The following TASP1 variants were observed in gnomAD, a reference collection of about 807,000 sequenced individuals.
TASP1 encodes taspase 1.
Under a neutral mutation model 56.6 loss-of-function variants are expected in TASP1, and 16 were observed. The ratio of observed to expected loss-of-function variants is 0.28; its 90% confidence interval spans 0.19 to 0.43. The LOEUF (loss-of-function observed/expected upper bound fraction) is 0.43. Among genes scored for constraint, TASP1 ranks in the 20% least tolerant of loss-of-function variants. The pLI is 1.00. For synonymous variants in TASP1, 179 were observed against 184.2 expected, an observed-to-expected ratio of 0.97 and a Z score of 0.23; for missense variants, 393 against 511.6, an observed-to-expected ratio of 0.77 and a Z score of 2.24.
At chr20:13,303,272 G>A in the TASP1 span, among the ~76,000 whole-genome samples, 1 of 152,170 alleles carries the variant, frequency 6.6e-6, no homozygotes, top group Admixed American at 6.5e-5. Context: ...GCTTTTCTGT[G>A]ACTCACTGCC....
At chr20:13,293,306 A>T in the TASP1 span, among the ~76,000 whole-genome samples, 1 of 152,228 alleles carries the variant, frequency 6.6e-6, no homozygotes, top group Admixed American at 6.5e-5. Flanking sequence ...TGTAAACCAA[A>T]CAAAATGGAA....
intron 12 of TASP1, among the ~76,000 whole-genome samples, chr20:13,433,462 C>A (rs546179801): frequency 6.9e-6 from 1 of 144,632 alleles, no homozygotes; most frequent in African/African-American, 2.6e-5. Flanking sequence ...TGTTAAAAAG[C>A]ACATCTCCTT....
At chr20:13,342,815 C>T in the TASP1 span, among the ~76,000 whole-genome samples, 3 of 152,166 alleles carry the variant, frequency 2.0e-5, no homozygotes, top group Admixed American at 1.3e-4. Flanking sequence ...CACACACACC[C>T]GACAGGGTGC....
At chr20:13,496,719 C>T (rs139566566) in intron 10 of TASP1, among the ~76,000 whole-genome samples, 4 of 152,278 alleles carry the variant, frequency 2.6e-5, no homozygotes, top group African/African-American at 9.6e-5. Context: ...TCTAATATGT[C>T]TCACAAGCCT....
At chr20:13,629,863 T>C in intron 2 of TASP1, 71 bp downstream of exon 2, 1 of 1,595,812 alleles carries the variant, frequency 6.3e-7, no homozygotes, top group Non-Finnish European at 8.5e-7. Context: ...AATGTGATTC[T>C]CAGTGTACTT....
At chr20:13,556,221 C>A (rs936560643) in intron 8 of TASP1, among the ~76,000 whole-genome samples, 9 of 152,150 alleles carry the variant, frequency 5.9e-5, no homozygotes, top group African/African-American at 2.2e-4. Context: ...CTCTTTCTTG[C>A]CAATAACTAT....
At chr20:13,257,711 T>TAA in the TASP1 span, among the ~76,000 whole-genome samples, 1,427 of 141,646 alleles carry the variant, frequency 0.01, 15 homozygotes, top group Middle Eastern at 0.018. Flanking sequence ...GTATTTTCCT[T>TAA]AAAAAAAAAA....
At chr20:13,358,198 T>C in the TASP1 span, among the ~76,000 whole-genome samples, 2 of 152,176 alleles carry the variant, frequency 1.3e-5, no homozygotes, top group African/African-American at 4.8e-5. Context: ...CCAAATCCTA[T>C]AAAACGGCCC....
chr20:13,441,611 AAGAG>A (rs1191619084), intron 11 of TASP1, among the ~76,000 whole-genome samples: 1 of 152,198 alleles, frequency 6.6e-6, no homozygotes, highest in Non-Finnish European at 1.5e-5. Context: ...ACATGCTTTC[AAGAG>A]AGAGGCAGGG....
At chr20:13,450,076 C>T (rs964113675) in intron 11 of TASP1, among the ~76,000 whole-genome samples, 1 of 151,940 alleles carries the variant, frequency 6.6e-6, no homozygotes, top group African/African-American at 2.4e-5. Context: ...TTTTGGTTTC[C>T]CAGTGCATAT....
the TASP1 span, chr20:13,299,645 G>A: frequency 5.2e-6 from 3 of 576,450 alleles, no homozygotes; most frequent in East Asian, 2.9e-5. The surrounding 1 kb of genome is among the most constrained non-coding windows in gnomAD (Gnocchi z 5.8). Context: ...TTGTGAAGCC[G>A]CCCTCGCCAT....
chr20:13,326,981 GAAAT>G, the TASP1 span, among the ~76,000 whole-genome samples: 2 of 152,184 alleles, frequency 1.3e-5, no homozygotes, highest in East Asian at 3.8e-4. Flanking sequence ...GGAAGAGAAA[GAAAT>G]AAAGCATATG....
chr20:13,167,676 G>A, the TASP1 span: 2 of 152,276 alleles, frequency 1.3e-5, no homozygotes, highest in African/African-American at 2.4e-5. Context: ...TGTCATGGAC[G>A]TTTAACCATA....
chr20:13,556,007 GT>G, intron 8 of TASP1, among the ~76,000 whole-genome samples: 1 of 152,168 alleles, frequency 6.6e-6, no homozygotes, highest in East Asian at 1.9e-4. Context: ...CAAGTAATAG[GT>G]TTTATGGTGA....
At chr20:13,425,519 T>G (rs6134870) in intron 12 of TASP1, among the ~76,000 whole-genome samples, 79,090 of 151,896 alleles carry the variant, frequency 0.52, 22,662 homozygotes, top group Non-Finnish European at 0.65. Flanking sequence ...CACACCCACT[T>G]AAAACCTCTC....
At chr20:13,366,013 A>G in the TASP1 span, among the ~76,000 whole-genome samples, 1 of 152,204 alleles carries the variant, frequency 6.6e-6, no homozygotes, top group Admixed American at 6.5e-5. Context: ...CAAAGACAAC[A>G]TTTAGATTTT....
intron 4 of TASP1, chr20:13,600,426 A>C (rs1347207687): frequency 6.6e-6 from 1 of 152,220 alleles, no homozygotes; most frequent in African/African-American, 2.4e-5. Context: ...TCAGAAATAG[A>C]CACACAGAGA....
chr20:13,469,122 T>C (rs979869266), intron 11 of TASP1, among the ~76,000 whole-genome samples: 2 of 152,160 alleles, frequency 1.3e-5, no homozygotes, highest in African/African-American at 2.4e-5. Flanking sequence ...GTTTGGGAGT[T>C]TGGTTTTTTG....
chr20:13,352,847 G>A, the TASP1 span, among the ~76,000 whole-genome samples: 1 of 152,098 alleles, frequency 6.6e-6, no homozygotes, highest in East Asian at 1.9e-4. Context: ...ATCTACAGAG[G>A]AATTTGTAAT....
Sources: gnomAD v4.1 joint callset for allele counts (sites outside exome capture counted in the v4.1 genomes callset) on GRCh38, gnomAD v4.1.1 for gene constraint, Gnocchi (gnomAD v3.1) non-coding constraint, MANE v1.5 for transcripts, NCBI Gene and HGNC (gene_info 2026-07-23, HGNC 2026-07-21) for gene names.